The following POFUT3 variants were observed in gnomAD, a reference collection of about 807,000 sequenced individuals.
POFUT3 encodes protein O-fucosyltransferase 3, also known as GDP-fucose protein O-fucosyltransferase 3.
the POFUT3 span, among the ~76,000 whole-genome samples, chr8:33,326,390 T>C: frequency 1.3e-5 from 2 of 152,192 alleles, no homozygotes; most frequent in African/African-American, 2.4e-5. Flanking sequence ...GAGTATCTAA[T>C]AGGCATTTCA....
the POFUT3 span, among the ~76,000 whole-genome samples, chr8:33,352,940 G>A: frequency 6.6e-6 from 1 of 152,214 alleles, no homozygotes; most frequent in African/African-American, 2.4e-5. Context: ...GTGCCCTGAG[G>A]ACATATGGGA....
chr8:33,340,382 G>GTA, the POFUT3 span, among the ~76,000 whole-genome samples: 491 of 149,512 alleles, frequency 3.3e-3, 5 homozygotes, highest in African/African-American at 9.6e-3. Context: ...ATGTGTGTGT[G>GTA]TATATATATA....
At chr8:33,392,151 T>C in the POFUT3 span, among the ~76,000 whole-genome samples, 2 of 152,206 alleles carry the variant, frequency 1.3e-5, no homozygotes, top group Non-Finnish European at 2.9e-5. Context: ...CATTTCCTGG[T>C]AACTTCCCTG....
At chr8:33,379,246 A>G in the POFUT3 span, among the ~76,000 whole-genome samples, 1 of 152,082 alleles carries the variant, frequency 6.6e-6, no homozygotes, top group Non-Finnish European at 1.5e-5. Context: ...TTGGTTCTTT[A>G]TAAGCAGTGG....
chr8:33,315,133 G>C, the POFUT3 span, among the ~76,000 whole-genome samples: 1 of 152,164 alleles, frequency 6.6e-6, no homozygotes, highest in Admixed American at 6.5e-5. Flanking sequence ...CAAGGGCAAC[G>C]TGATTCAGAC....
the POFUT3 span, among the ~76,000 whole-genome samples, chr8:33,351,962 G>A: frequency 6.6e-6 from 1 of 152,126 alleles, no homozygotes; most frequent in Admixed American, 6.5e-5. Context: ...AGGAGCTGGG[G>A]TTCACATTGA....
At chr8:33,375,174 G>A in the POFUT3 span, among the ~76,000 whole-genome samples, 1,749 of 152,046 alleles carry the variant, frequency 0.012, 24 homozygotes, top group Non-Finnish European at 0.019. Flanking sequence ...GTACAGGCAC[G>A]AGCCACCGTG....
At chr8:33,310,480 C>A in the POFUT3 span, among the ~76,000 whole-genome samples, 1 of 151,992 alleles carries the variant, frequency 6.6e-6, no homozygotes, top group Non-Finnish European at 1.5e-5. Flanking sequence ...GGCCTCAAGG[C>A]AGGCAAATTC....
the POFUT3 span, among the ~76,000 whole-genome samples, chr8:33,384,894 T>C: frequency 5.7e-4 from 87 of 152,106 alleles, 1 homozygote; most frequent in South Asian, 0.017. Flanking sequence ...CAGGGACCCA[T>C]TGCATGGTGA....
chr8:33,427,407 G>A, the POFUT3 span, among the ~76,000 whole-genome samples: 12 of 151,708 alleles, frequency 7.9e-5, no homozygotes, highest in South Asian at 2.1e-4. Flanking sequence ...GAGAAGCCCC[G>A]TCTCTACTAA....
the POFUT3 span, among the ~76,000 whole-genome samples, chr8:33,317,278 T>C: frequency 2.6e-5 from 4 of 152,164 alleles, no homozygotes; most frequent in Non-Finnish European, 4.4e-5. Flanking sequence ...TACTGTCCAC[T>C]GGCACATCAA....
chr8:33,318,603 T>A, the POFUT3 span, among the ~76,000 whole-genome samples: 35 of 97,238 alleles, frequency 3.6e-4, no homozygotes, highest in Middle Eastern at 4.7e-3. Context: ...ATATAATATA[T>A]AAATATATTG....
At chr8:33,332,132 G>T in the POFUT3 span, among the ~76,000 whole-genome samples, 1 of 143,390 alleles carries the variant, frequency 7.0e-6, no homozygotes, top group African/African-American at 2.6e-5. Context: ...AACAGAAAAA[G>T]ACCTTGTCTC....
chr8:33,367,640 A>G, the POFUT3 span, among the ~76,000 whole-genome samples: 1 of 152,290 alleles, frequency 6.6e-6, no homozygotes, highest in Non-Finnish European at 1.5e-5. Flanking sequence ...TAAATAAAAG[A>G]CATGCACTTA....
chr8:33,326,631 C>A, the POFUT3 span, among the ~76,000 whole-genome samples: 1 of 152,152 alleles, frequency 6.6e-6, no homozygotes, highest in Non-Finnish European at 1.5e-5. Flanking sequence ...GAGTGAAATG[C>A]CAACCTCCAC....
chr8:33,389,819 A>C, the POFUT3 span: 2 of 1,504,562 alleles, frequency 1.3e-6, no homozygotes, highest in Non-Finnish European at 1.8e-6. Flanking sequence ...AAAATGAGAT[A>C]TTAATTAGTA....
At chr8:33,365,622 A>G in the POFUT3 span, among the ~76,000 whole-genome samples, 1 of 152,260 alleles carries the variant, frequency 6.6e-6, no homozygotes, top group Non-Finnish European at 1.5e-5. Flanking sequence ...TCTCAAAAGA[A>G]GACATCTATG....
At chr8:33,325,089 C>A in the POFUT3 span, among the ~76,000 whole-genome samples, 1 of 152,150 alleles carries the variant, frequency 6.6e-6, no homozygotes, top group Non-Finnish European at 1.5e-5. Context: ...AATCCACTCT[C>A]CTTAAAGCTA....
the POFUT3 span, among the ~76,000 whole-genome samples, chr8:33,309,170 ATATATAT>A: frequency 7.2e-5 from 3 of 41,922 alleles, no homozygotes; most frequent in Non-Finnish European, 8.9e-5. Context: ...AAAAAAAAAT[ATATATAT>A]ATATATATAT....
Sources: gnomAD v4.1 joint callset for allele counts (sites outside exome capture counted in the v4.1 genomes callset) on GRCh38, gnomAD v4.1.1 for gene constraint, MANE v1.5 for transcripts, NCBI Gene and HGNC (gene_info 2026-07-23, HGNC 2026-07-21) for gene names.